The following USP54 variants were observed in gnomAD, a reference collection of about 807,000 sequenced individuals.
USP54 encodes the protein ubiquitin carboxyl-terminal hydrolase 54.
USP54 carries 87 observed loss-of-function variants against 170.5 expected under a neutral mutation model. The ratio of observed to expected loss-of-function variants is 0.51; its 90% CI spans 0.43 to 0.61. The LOEUF (loss-of-function observed/expected upper bound fraction) is 0.61. USP54 is among the 20% of genes least tolerant of loss of function. The pLI, the probability that USP54 is intolerant of heterozygous loss-of-function variation, is 0.00. For missense variants in USP54, 1,786 were observed against 2,047.8 expected (o/e 0.87, Z 2.47); for synonymous variants, 655 against 742.8 (o/e 0.88, Z 1.92).
At chr10:73,553,246 A>G (rs772269768) in intron 4 of USP54, 1 of 152,132 alleles carries the variant, frequency 6.6e-6, no homozygotes, top group Non-Finnish European at 1.5e-5. Context: ...CCTCATACAC[A>G]CTGAGAATCT....
At chr10:73,608,272 AAC>A (rs1210603059) in intron 1 of USP54, among the ~76,000 whole-genome samples, 5 of 152,120 alleles carry the variant, frequency 3.3e-5, no homozygotes, top group Non-Finnish European at 7.4e-5. Context: ...AAACAAAAAA[AAC>A]AAAAAAAAAC....
chr10:73,585,581 T>C (rs1017634863), intron 1 of USP54, among the ~76,000 whole-genome samples: 2 of 152,196 alleles, frequency 1.3e-5, no homozygotes, highest in East Asian at 3.8e-4. Context: ...ACCCCCATGA[T>C]CTAATACCTT....
chr10:73,535,223 C>G (rs572549374), intron 11 of USP54, among the ~76,000 whole-genome samples: 1 of 152,156 alleles, frequency 6.6e-6, no homozygotes, highest in East Asian at 1.9e-4. Flanking sequence ...TTTAATGACT[C>G]TGAGAAATTA....
chr10:73,510,437 T>C lies in USP54; in HGVS notation c.4052-5011A>G, dbSNP rs568368075. Among the ~76,000 whole-genome samples the C allele has an allele frequency of 1.6e-3, 238 of 152,054 alleles. 1 individual carries two copies. Among genetic ancestry groups the C allele is most frequent in the African/African-American group, 5.5e-3 (230 of 41,508 alleles). Reference sequence around the variant, plus strand: ...CTGGTTATAAGTACCTGGAGGGTTATTATAACATTTATTCTTTTTTTTTTT... The same window carrying C: ...CTGGTTATAAGTACCTGGAGGGTTACTATAACATTTATTCTTTTTTTTTTT... On this transcript the variant is annotated intron_variant, in intron 20 of 23. Transcript: ENST00000687698.
intron 16 of USP54, among the ~76,000 whole-genome samples, chr10:73,524,096 C>T (rs1049351833): frequency 2.7e-5 from 4 of 149,360 alleles, no homozygotes; most frequent in African/African-American, 7.3e-5. Context: ...TTAGTAGAGA[C>T]GGGGTTTCAC....
At chr10:73,563,775 G>A (rs1686307375) in intron 4 of USP54, among the ~76,000 whole-genome samples, 1 of 151,992 alleles carries the variant, frequency 6.6e-6, no homozygotes, top group South Asian at 2.1e-4. Context: ...GGAGTTCTAT[G>A]CTGGATACTA....
At position 73,519,900 on chromosome 10, in the gene USP54, G is replaced by A. The variant is rs770815303; in HGVS notation, c.2575C>T (p.Arg859Trp). The A allele has an allele frequency of 1.3e-5, 21 of 1,614,116 alleles. No homozygotes were observed. Among genetic ancestry groups the A allele is most frequent in the Middle Eastern group, 1.6e-4 (1 of 6,062 alleles). Residue 859 changes from arginine to tryptophan, a missense_variant, in exon 19 of 24, where the codon CGG (arginine) becomes TGG (tryptophan). Coordinates refer to ENST00000687698, the MANE Select transcript of USP54 (RefSeq NM_001391956.1). The part of the protein sequence containing the change: ...KKLQISIRKA[R>W]SLQDRMQQQQ... Reference sequence around the variant, plus strand: ...TGCTGCATGCGATCCTGCAGGCTCCGTGCTTTTCGAATACTGATTTGCAAC... The same window carrying A: ...TGCTGCATGCGATCCTGCAGGCTCCATGCTTTTCGAATACTGATTTGCAAC...
At chr10:73,523,529 T>C (rs1178012654) in intron 17 of USP54, 54 bp downstream of exon 17, 1 of 1,472,640 alleles carries the variant, frequency 6.8e-7, no homozygotes, top group South Asian at 1.5e-5. Context: ...GATGTTTTTT[T>C]CTACCCTTTC....
rs184487114 is a variant in USP54, at chr10:73,605,156, C to T, written c.-18+20411G>A. On this transcript the variant is annotated intron_variant, in intron 1 of 22. Transcript: ENST00000339859. ...AGCTAGACAGAAAAGTTCTCCAAGTCCCCACTCGACCCAGGAGGTCCAGCT... is the reference window on the plus strand; with the variant it reads ...AGCTAGACAGAAAAGTTCTCCAAGTTCCCACTCGACCCAGGAGGTCCAGCT... Among the ~76,000 whole-genome samples the T allele has an allele frequency of 2.6e-3, 391 of 152,260 alleles. 1 individual carries two copies. Among genetic ancestry groups the T allele is most frequent in the South Asian group, 0.014 (68 of 4,828 alleles).
intron 1 of USP54, among the ~76,000 whole-genome samples, chr10:73,599,963 G>A (rs1317327617): frequency 6.7e-5 from 10 of 148,828 alleles, no homozygotes; most frequent in African/African-American, 1.2e-4. Context: ...GTGCAATGGC[G>A]TGATCTTGGC....
chr10:73,512,877 TAGTC>T (rs1444952060), intron 20 of USP54, among the ~76,000 whole-genome samples: 1 of 152,078 alleles, frequency 6.6e-6, no homozygotes, highest in African/African-American at 2.4e-5. Flanking sequence ...ACATTCAAAT[TAGTC>T]AGGTATGGTA....
chr10:73,555,628 T>C (rs2070770845), intron 4 of USP54, among the ~76,000 whole-genome samples: 1 of 152,200 alleles, frequency 6.6e-6, no homozygotes. Context: ...TGAGGTTTTA[T>C]AAAATACAGT....
At chr10:73,514,315 C>A (rs551974413) in intron 20 of USP54, among the ~76,000 whole-genome samples, 3 of 152,170 alleles carry the variant, frequency 2.0e-5, no homozygotes, top group Admixed American at 1.3e-4. Flanking sequence ...ATAATCCCTG[C>A]ACTTTGGGAG....
intron 20 of USP54, among the ~76,000 whole-genome samples, chr10:73,511,631 G>T (rs899014397): frequency 2.0e-5 from 3 of 151,774 alleles, no homozygotes; most frequent in Non-Finnish European, 4.4e-5. Context: ...CTGCACTCCA[G>T]CCTGGGCAAC....
intron 4 of USP54, among the ~76,000 whole-genome samples, chr10:73,559,588 C>A (rs1337408419): frequency 6.7e-6 from 1 of 148,362 alleles, no homozygotes; most frequent in African/African-American, 2.5e-5. Flanking sequence ...ATTAGACGGG[C>A]GTGGTGGAAG....
At chr10:73,522,947 A>G (rs533584526) in intron 17 of USP54, among the ~76,000 whole-genome samples, 110 of 152,276 alleles carry the variant, frequency 7.2e-4, no homozygotes, top group African/African-American at 2.4e-3. Flanking sequence ...ATTTTATAGG[A>G]AAAAAACTAA....
intron 20 of USP54, among the ~76,000 whole-genome samples, chr10:73,507,543 G>A (rs1441801412): frequency 5.3e-5 from 8 of 151,400 alleles, no homozygotes; most frequent in Admixed American, 1.3e-4. Context: ...GCGTGGTGGC[G>A]GCCGCCTGTA....
At chr10:73,530,109 C>G (rs2063696476) in intron 14 of USP54, 34 bp downstream of exon 14, 5 of 1,558,672 alleles carry the variant, frequency 3.2e-6, no homozygotes, top group Admixed American at 2.0e-5. Context: ...CAACTTTATT[C>G]AAAAGCCCAA....
chr10:73,581,223 G>A (rs1165915571), intron 1 of USP54, among the ~76,000 whole-genome samples: 2 of 152,218 alleles, frequency 1.3e-5, no homozygotes, highest in African/African-American at 2.4e-5. Context: ...CCTGGAGTTC[G>A]AGGTGAGCGT....
Sources: gnomAD v4.1 joint callset for allele counts (sites outside exome capture counted in the v4.1 genomes callset) on GRCh38, gnomAD v4.1.1 for gene constraint, MANE v1.5 for transcripts, NCBI Gene and HGNC (gene_info 2026-07-23, HGNC 2026-07-21) for gene names.